Variants in SYNE3 observed in about 807,000 individuals in gnomAD.
SYNE3 encodes nesprin-3.
SYNE3 carries 100 observed loss-of-function variants against 111.2 expected under a neutral mutation model. The ratio of observed to expected loss-of-function variants is 0.90; its 90% CI spans 0.77 to 1.06. The LOEUF is 1.06. SYNE3 is among the 50% of genes least tolerant of loss of function. The pLI, the probability that SYNE3 is intolerant of heterozygous loss-of-function variation, is 0.00. For synonymous variants in SYNE3, 547 were observed against 533.9 expected, an observed-to-expected ratio of 1.02 and a Z score of -0.34; for missense variants, 1,160 against 1,240.3, an observed-to-expected ratio of 0.94 and a Z score of 0.97.
At chr14:95,480,367 A>T (rs1889159324) in intron 1 of SYNE3, among the ~76,000 whole-genome samples, 1 of 152,122 alleles carries the variant, frequency 6.6e-6, no homozygotes, top group Non-Finnish European at 1.5e-5. Flanking sequence ...CCATGTGGTT[A>T]TCACAAATGA....
Position 95,500,525 on chromosome 14 carries a change from C to A in SYNE3, c.-15+16071G>T, listed in dbSNP as rs1890296758. 6.6e-6 allele frequency among the ~76,000 whole-genome samples: 1 copy of A among 152,198 alleles called. No homozygotes were observed. The highest frequency in any genetic ancestry group is 1.5e-5 in the Non-Finnish European group (1 of 68,034). On this transcript the variant is annotated intron_variant, in intron 1 of 17. Transcript: ENST00000682763. This position sits in a 1 kb window ranked among gnomAD's most constrained non-coding sequence, Gnocchi z 4.7. Reference sequence around the variant, plus strand: ...GCTGCCCTCTGGGACTTTGCTTTGGCCCAGCCGGACTCAGCGGGAGGAGGC... The same window carrying A: ...GCTGCCCTCTGGGACTTTGCTTTGGACCAGCCGGACTCAGCGGGAGGAGGC...
At chr14:95,459,117 G>A (rs1448101495) in intron 4 of SYNE3, among the ~76,000 whole-genome samples, 1 of 152,206 alleles carries the variant, frequency 6.6e-6, no homozygotes, top group Non-Finnish European at 1.5e-5. Context: ...TCCACCGCCA[G>A]CATGCAACTT....
intron 17 of SYNE3, among the ~76,000 whole-genome samples, chr14:95,422,545 G>A (rs1183710475): frequency 2.0e-5 from 3 of 152,174 alleles, no homozygotes; most frequent in South Asian, 2.1e-4. Flanking sequence ...TTGTTCAACC[G>A]GGATCTGTGG....
rs141609511 is a variant in SYNE3 at position 95,439,097 on chromosome 14, T to A, written c.2312A>T (p.Asn771Ile). 327 of 1,614,280 alleles carry A rather than the reference T, an allele frequency of 2.0e-4. No individual in the cohort carries two copies. In the African/African-American group the frequency reaches 3.9e-3, roughly 19 times the overall value. ...GAGAAATCCTGACTTTGGGATGTTGTTGGTGAAAACCATTTTCTTCCCCGA... is the reference window on the plus strand; with the variant it reads ...GAGAAATCCTGACTTTGGGATGTTGATGGTGAAAACCATTTTCTTCCCCGA... ...VDSGKKMVFTNNIPKSGFLIN... is the reference protein window; with the variant it reads ...VDSGKKMVFTINIPKSGFLIN... The change falls in exon 14 of 18, where the codon AAC (asparagine) becomes ATC (isoleucine). Residue 771 changes from asparagine to isoleucine, a missense_variant. By Grantham distance (149) the Asn-to-Ile change is moderately radical. Coordinates refer to ENST00000682763, the MANE Select transcript of SYNE3 (RefSeq NM_152592.6).
At chr14:95,448,491 G>A (rs751968712) in intron 8 of SYNE3, among the ~76,000 whole-genome samples, 3 of 151,494 alleles carry the variant, frequency 2.0e-5, no homozygotes, top group African/African-American at 7.3e-5. Flanking sequence ...GCTCGAGACC[G>A]GCCTGGTCAA....
Position 95,432,089 on chromosome 14 carries a change from C to T in SYNE3, c.2717G>A (p.Gly906Glu). 2 of 1,612,496 alleles carry T rather than the reference C, an allele frequency of 1.2e-6. No individual in the cohort carries two copies. Among genetic ancestry groups the T allele is most frequent in the East Asian group, 2.2e-5 (1 of 44,876 alleles). The change falls in exon 17 of 18, where the codon GGA becomes GAA. Residue 906 changes from glycine to glutamate, a missense_variant. Coordinates refer to ENST00000682763, the MANE Select transcript of SYNE3 (RefSeq NM_152592.6). ...TGGCAGACACTGTACCTTTTGGAATCCAGTCGGCTCCCCTGGAGAACTTTG... is the reference window on the plus strand; with the variant it reads ...TGGCAGACACTGTACCTTTTGGAATTCAGTCGGCTCCCCTGGAGAACTTTG... ...LTQSSPGEPT[G>E]FQKTRRWRGL...
intron 4 of SYNE3, among the ~76,000 whole-genome samples, chr14:95,464,597 C>T (rs1408665343): frequency 3.3e-5 from 5 of 152,194 alleles, no homozygotes; most frequent in South Asian, 2.1e-4. Flanking sequence ...TTGGGGTTCA[C>T]GTTTAGAATA....
intron 1 of SYNE3, among the ~76,000 whole-genome samples, chr14:95,514,018 A>G (rs1566694022): frequency 6.6e-6 from 1 of 151,876 alleles, no homozygotes; most frequent in Non-Finnish European, 1.5e-5. Flanking sequence ...AGCCTTGCCT[A>G]CTACCAGATC....
intron 4 of SYNE3, among the ~76,000 whole-genome samples, chr14:95,463,406 G>A (rs989290443): frequency 7.9e-5 from 12 of 152,166 alleles, no homozygotes; most frequent in African/African-American, 2.4e-4. Context: ...CCACCCTCAC[G>A]TACAAACATG....
intron 1 of SYNE3, among the ~76,000 whole-genome samples, chr14:95,491,597 C>T (rs868057865): frequency 1.2e-4 from 19 of 152,110 alleles, no homozygotes; most frequent in South Asian, 6.2e-4. Context: ...AAGACCTACA[C>T]GTAAGAGCCA....
intron 9 of SYNE3, among the ~76,000 whole-genome samples, chr14:95,445,344 C>T (rs749659381): frequency 6.6e-5 from 10 of 152,208 alleles, no homozygotes; most frequent in Admixed American, 2.6e-4. Flanking sequence ...TCATAGTGCT[C>T]TTATGTGGAT....
At chr14:95,456,996 A>G (rs1887484938) in intron 5 of SYNE3, among the ~76,000 whole-genome samples, 181 bp downstream of exon 5, 2 of 151,620 alleles carry the variant, frequency 1.3e-5, no homozygotes, top group Non-Finnish European at 2.9e-5. Flanking sequence ...GAGGCAGGAG[A>G]ATGGTGTGAA....
At chr14:95,452,791 T>C (rs1187418334) in intron 6 of SYNE3, among the ~76,000 whole-genome samples, 1 of 152,232 alleles carries the variant, frequency 6.6e-6, no homozygotes, top group Non-Finnish European at 1.5e-5. Context: ...ACAAGGAAAC[T>C]TGGGCTAAGA....
chr14:95,515,588 G>A (rs553348986), intron 1 of SYNE3, among the ~76,000 whole-genome samples: 6 of 152,318 alleles, frequency 3.9e-5, no homozygotes, highest in South Asian at 2.1e-4. Flanking sequence ...CTGGGAGGAC[G>A]GTCCATTCTC....
chr14:95,453,244 A>G (rs10134916), intron 6 of SYNE3, among the ~76,000 whole-genome samples: 31,546 of 152,110 alleles, frequency 0.21, 5,683 homozygotes, highest in African/African-American at 0.49. Context: ...GCAGGGATGC[A>G]TTAGTCCCTC....
At chr14:95,463,263 C>T (rs1428653806) in intron 4 of SYNE3, among the ~76,000 whole-genome samples, 1 of 152,216 alleles carries the variant, frequency 6.6e-6, no homozygotes, top group African/African-American at 2.4e-5. Context: ...ACAGCTCTCA[C>T]TGATAAGAGC....
In SYNE3 at chr14:95,447,279, G is replaced by A. The variant is rs1595200713; in HGVS notation, c.1450-1188C>T. 3.3e-5 allele frequency among the ~76,000 whole-genome samples: 5 copies of A among 151,918 alleles called. 1 individual carries two copies. The highest frequency in any genetic ancestry group is 1.2e-4 in the African/African-American group (5 of 41,428). On this transcript the variant is annotated intron_variant, in intron 8 of 17. Coordinates refer to ENST00000682763, the MANE Select transcript of SYNE3 (RefSeq NM_152592.6). The stretch of plus-strand genomic sequence containing the variant: ...CTCCCGAGTAGCTGGGACTACAGGC[G>A]CCCACCACCACACCCGGCTAATTTT...
chr14:95,449,896 C>A, intron 8 of SYNE3, 35 bp downstream of exon 8: 2 of 1,542,268 alleles, frequency 1.3e-6, no homozygotes. Context: ...CAGTGGCCCA[C>A]CCCAGCCCCA....
chr14:95,421,348 A>C (rs1415728156), intron 17 of SYNE3, among the ~76,000 whole-genome samples: 1 of 151,824 alleles, frequency 6.6e-6, no homozygotes, highest in Non-Finnish European at 1.5e-5. Context: ...TGAATCTGAG[A>C]CTCCAGATTT....
Sources: gnomAD v4.1 joint callset for allele counts (sites outside exome capture counted in the v4.1 genomes callset) on GRCh38, gnomAD v4.1.1 for gene constraint, Gnocchi (gnomAD v3.1) non-coding constraint, MANE v1.5 for transcripts, NCBI Gene and HGNC (gene_info 2026-07-23, HGNC 2026-07-21) for gene names.